The following ST8SIA1 variants were observed in gnomAD, a reference collection of about 807,000 sequenced individuals.
The protein encoded by ST8SIA1 is alpha-N-acetylneuraminide alpha-2,8-sialyltransferase.
A neutral mutation model predicts 35.9 loss-of-function variants in ST8SIA1; 16 were observed. The ratio of observed to expected loss-of-function variants is 0.45; its 90% CI spans 0.30 to 0.68. ST8SIA1 has a LOEUF of 0.68. Ranked by LOEUF, ST8SIA1 falls within the 30% of genes least tolerant of loss-of-function variation. ST8SIA1 has a pLI of 0.09. For missense variants in ST8SIA1, 383 were observed against 453.6 expected (o/e 0.84, Z 1.41); for synonymous variants, 170 against 169.6 (o/e 1.00, Z -0.02).
At chr12:22,252,208 G>A (rs1297419628) in intron 3 of ST8SIA1, among the ~76,000 whole-genome samples, 2 of 152,172 alleles carry the variant, frequency 1.3e-5, no homozygotes, top group Non-Finnish European at 2.9e-5. Flanking sequence ...ACTTTGAACT[G>A]TAATCTGGTA....
At chr12:22,221,579 T>C (rs970470325) in intron 4 of ST8SIA1, among the ~76,000 whole-genome samples, 2 of 152,172 alleles carry the variant, frequency 1.3e-5, no homozygotes, top group Non-Finnish European at 2.9e-5. Flanking sequence ...ACTCATTTCA[T>C]TTCACCTCCA....
Position 22,201,969 on chromosome 12 carries a change from G to C in ST8SIA1, c.654C>G (p.Ile218Met). 6.2e-7 allele frequency: 1 copy of C among 1,613,922 alleles called. No individual in the cohort carries two copies. Among genetic ancestry groups the C allele is most frequent in the African/African-American group, 1.3e-5 (1 of 75,014 alleles). The part of the protein sequence containing the change: ...DNMKIYNHSY[I>M]YMPAFSMKTG... ...TCTTCATAGAAAAGGCAGGCATGTAGATGTAACTGTGGTTATAAATTTTCA... is the reference window on the plus strand; with the variant it reads ...TCTTCATAGAAAAGGCAGGCATGTACATGTAACTGTGGTTATAAATTTTCA... Residue 218 changes from isoleucine (I) to methionine (M), a missense_variant, in exon 5 of 5, where the codon ATC (isoleucine) becomes ATG (methionine). Transcript: ENST00000396037.
intron 2 of ST8SIA1, among the ~76,000 whole-genome samples, chr12:22,275,898 T>C (rs1341969676): frequency 6.6e-6 from 1 of 152,224 alleles, no homozygotes; most frequent in African/African-American, 2.4e-5. Context: ...ATGCAATAAA[T>C]CCCATTTGTG....
At chr12:22,320,851 G>A (rs1026238716) in intron 1 of ST8SIA1, among the ~76,000 whole-genome samples, 1 of 133,424 alleles carries the variant, frequency 7.5e-6, no homozygotes, top group Non-Finnish European at 1.6e-5. Context: ...GAAAGAGAGA[G>A]AGAAGAAAAA....
At chr12:22,252,011 A>G (rs1350545246) in intron 3 of ST8SIA1, among the ~76,000 whole-genome samples, 4 of 152,154 alleles carry the variant, frequency 2.6e-5, no homozygotes, top group Admixed American at 2.6e-4. Context: ...ATCCCTGTTA[A>G]CTTTTGTCTG....
chr12:22,313,472 A>T (rs1287589653), intron 1 of ST8SIA1, among the ~76,000 whole-genome samples: 2 of 152,148 alleles, frequency 1.3e-5, no homozygotes, highest in Non-Finnish European at 2.9e-5. Flanking sequence ...AGGCATAGAA[A>T]ATGGGATAAT....
intron 2 of ST8SIA1, among the ~76,000 whole-genome samples, chr12:22,285,856 TAA>T (rs1866091373): frequency 2.8e-5 from 2 of 71,040 alleles, no homozygotes; most frequent in South Asian, 8.7e-4. Context: ...GGCAACAGAG[TAA>T]GTAAGACTCT....
rs1261590192 is a variant in ST8SIA1 at position 22,193,595 on chromosome 12, C to A, written c.*7957G>T. On this transcript the variant is annotated 3_prime_UTR_variant, in exon 5 of 5. Coordinates refer to ENST00000396037, the MANE Select transcript of ST8SIA1 (RefSeq NM_003034.4). ...GAAAGAAGCAAGTCAGCAGAACCAA[C>A]AGAGATAGATACTAATTTTTCTAAT... The A allele has an allele frequency of 6.6e-6, 1 of 152,184 alleles. No individual in the cohort carries two copies. Among genetic ancestry groups the A allele is most frequent in the Non-Finnish European group, 1.5e-5 (1 of 68,030 alleles). 9.4% of individuals were successfully genotyped at this position (152,184 alleles called of 1,614,324 possible).
At chr12:22,304,187 G>T (rs1254434621) in intron 1 of ST8SIA1, among the ~76,000 whole-genome samples, 2 of 152,064 alleles carry the variant, frequency 1.3e-5, no homozygotes, top group African/African-American at 4.8e-5. Flanking sequence ...GATTTAAAAA[G>T]ATTTTTTTTA....
chr12:22,245,426 C>T (rs1214517463), intron 4 of ST8SIA1, among the ~76,000 whole-genome samples: 1 of 152,090 alleles, frequency 6.6e-6, no homozygotes, highest in Non-Finnish European at 1.5e-5. Context: ...AATTGGTGTA[C>T]ACATATTGAT....
chr12:22,249,213 G>GTTT lies in ST8SIA1; in HGVS notation c.492-118_492-116dup, dbSNP rs771983175. Reference sequence around the variant, plus strand: ...AGCTGAATTCACGAGTAACTGTTTTGTTTTTTGTTTTTTTTTTTTTTTTGA... The same window carrying GTTT: ...AGCTGAATTCACGAGTAACTGTTTTGTTTTTTTTTGTTTTTTTTTTTTTTTTGA... On this transcript the variant is annotated intron_variant, in intron 3 of 4. Coordinates refer to ENST00000396037, the MANE Select transcript of ST8SIA1 (RefSeq NM_003034.4). The GTTT allele has an allele frequency of 5.3e-4, 244 of 460,872 alleles. 1 individual carries two copies. Among genetic ancestry groups the GTTT allele is most frequent in the Non-Finnish European group, 7.1e-4 (190 of 268,812 alleles). 28.5% of individuals were successfully genotyped at this position (460,872 alleles called of 1,614,324 possible).
rs192933691 is a variant in ST8SIA1, at chr12:22,230,476, T to C, written c.584+18530A>G. 4.1e-4 allele frequency among the ~76,000 whole-genome samples: 63 copies of C among 152,282 alleles called. 1 individual carries two copies. In the East Asian group the frequency reaches 7.0e-3, roughly 17 times the overall value. Reference sequence around the variant, plus strand: ...ATAACTAGCTGTATAAATGGAATGATGTAAAGAACATGAAGGATTCCTTTC... The same window carrying C: ...ATAACTAGCTGTATAAATGGAATGACGTAAAGAACATGAAGGATTCCTTTC... On this transcript the variant is annotated intron_variant, in intron 4 of 4. Transcript: ENST00000396037.
intron 4 of ST8SIA1, among the ~76,000 whole-genome samples, chr12:22,228,086 C>T (rs1865378452): frequency 6.6e-6 from 1 of 152,236 alleles, no homozygotes; most frequent in African/African-American, 2.4e-5. Context: ...TTTTCCCTCT[C>T]TACCCATGGC....
intron 1 of ST8SIA1, among the ~76,000 whole-genome samples, chr12:22,327,658 G>A (rs1332880638): frequency 1.3e-5 from 2 of 152,096 alleles, no homozygotes; most frequent in African/African-American, 4.8e-5. Flanking sequence ...CCTCTCACCA[G>A]GGATTAAGGG....
At chr12:22,218,949 T>C (rs1306328726) in intron 4 of ST8SIA1, among the ~76,000 whole-genome samples, 1 of 152,176 alleles carries the variant, frequency 6.6e-6, no homozygotes, top group African/African-American at 2.4e-5. Context: ...AAGAATCTCT[T>C]TTCTATAATC....
intron 3 of ST8SIA1, among the ~76,000 whole-genome samples, chr12:22,250,973 G>T (rs1591834967): frequency 6.6e-6 from 1 of 152,154 alleles, no homozygotes; most frequent in East Asian, 1.9e-4. Context: ...ACAGTCAAGT[G>T]GTTGCCCCAT....
At chr12:22,307,094 T>C (rs1304542941) in intron 1 of ST8SIA1, among the ~76,000 whole-genome samples, 1 of 152,124 alleles carries the variant, frequency 6.6e-6, no homozygotes, top group African/African-American at 2.4e-5. Flanking sequence ...TTTCTGTGTT[T>C]TTTCTAATGC....
At chr12:22,204,660 AG>A (rs778863009) in intron 4 of ST8SIA1, among the ~76,000 whole-genome samples, 3 of 152,202 alleles carry the variant, frequency 2.0e-5, no homozygotes, top group Non-Finnish European at 4.4e-5. Flanking sequence ...TTAGTCTTGA[AG>A]GGAGTAGTTT....
chr12:22,201,913 T>C lies in ST8SIA1; in HGVS notation c.710A>G (p.Tyr237Cys). 2 of 1,614,100 alleles carry C rather than the reference T, an allele frequency of 1.2e-6. No homozygotes were observed. The highest frequency in any genetic ancestry group is 1.7e-6 in the Non-Finnish European group (2 of 1,179,970). ...TGTEPSLRVY[Y>C]TLSDVGANQT... ...ATTGGCACCAACATCTGACAGTGTA[T>C]AATAAACCCTCAAAGATGGCTCTGT... The change falls in exon 5 of 5, where the codon TAT (tyrosine) becomes TGT (cysteine). Residue 237 changes from tyrosine to cysteine, a missense_variant. Transcript: ENST00000396037.
Sources: gnomAD v4.1 joint callset for allele counts (sites outside exome capture counted in the v4.1 genomes callset) on GRCh38, gnomAD v4.1.1 for gene constraint, MANE v1.5 for transcripts, NCBI Gene and HGNC (gene_info 2026-07-23, HGNC 2026-07-21) for gene names.